Variants in ROBO1 observed in about 807,000 individuals in gnomAD.
ROBO1 encodes the protein roundabout homolog 1.
A neutral mutation model predicts 195.9 loss-of-function variants in ROBO1; 149 were observed. The observed-to-expected ratio is 0.76, with a 90% CI of 0.67 to 0.87. The LOEUF is 0.87. ROBO1 is among the 40% of genes least tolerant of loss of function. The probability of loss-of-function intolerance (pLI) is 0.00; values close to 1 mark genes in which losing one functional copy is unlikely to be tolerated. For synonymous variants in ROBO1, 816 were observed against 733.2 expected (o/e 1.11, Z -1.82); for missense variants, 1,933 against 2,068.3 (o/e 0.93, Z 1.27).
chr3:79,621,417 G>T (rs1196363568), intron 1 of ROBO1, among the ~76,000 whole-genome samples: 1 of 152,160 alleles, frequency 6.6e-6, no homozygotes, highest in Non-Finnish European at 1.5e-5. Context: ...CTGTTTGGTG[G>T]TCTCTTCACA....
intron 4 of ROBO1, among the ~76,000 whole-genome samples, chr3:78,789,420 C>T (rs976140433): frequency 2.6e-5 from 4 of 152,146 alleles, no homozygotes; most frequent in African/African-American, 9.7e-5. Flanking sequence ...AATCTCTCAG[C>T]ACTTTGGAAT....
intron 2 of ROBO1, among the ~76,000 whole-genome samples, chr3:79,458,665 C>T (rs1401702956): frequency 6.6e-6 from 1 of 150,906 alleles, no homozygotes; most frequent in African/African-American, 2.4e-5. Flanking sequence ...AGCATGAAAA[C>T]AAAGATAGAA....
chr3:79,651,357 T>G (rs556574131), intron 1 of ROBO1, among the ~76,000 whole-genome samples: 1 of 152,270 alleles, frequency 6.6e-6, no homozygotes, highest in African/African-American at 2.4e-5. Context: ...ATTTATGATA[T>G]TTTTCTGTGT....
rs115915640 is a variant in ROBO1, at chr3:79,427,956, A to T, written c.88+161868T>A. ...TGGACAAATGGGATCATATGAAGTT[A>T]AAAAGCTTCTGCACAGCAGAGGAAA... On this transcript the variant is annotated intron_variant, in intron 2 of 30. Coordinates refer to ENST00000464233, the MANE Select transcript of ROBO1 (RefSeq NM_002941.4). Among the ~76,000 whole-genome samples, 420 of 152,272 alleles carry T rather than the reference A, an allele frequency of 2.8e-3. 2 individuals are homozygous for T. The highest frequency in any genetic ancestry group is 9.6e-3 in the African/African-American group (400 of 41,572).
intron 23 of ROBO1, among the ~76,000 whole-genome samples, chr3:78,635,527 A>C (rs1705441287): frequency 6.6e-6 from 1 of 152,142 alleles, no homozygotes; most frequent in Non-Finnish European, 1.5e-5. Context: ...CTCACCTGCT[A>C]TTAAATTTAA....
intron 3 of ROBO1, among the ~76,000 whole-genome samples, chr3:79,061,107 G>A (rs777448634): frequency 1.3e-4 from 20 of 152,048 alleles, no homozygotes; most frequent in Non-Finnish European, 2.5e-4. Context: ...AAACCCCATC[G>A]TCTTGGCCCA....
At chr3:78,689,206 T>C (rs2081116340) in intron 8 of ROBO1, among the ~76,000 whole-genome samples, 1 of 152,182 alleles carries the variant, frequency 6.6e-6, no homozygotes, top group African/African-American at 2.4e-5. Flanking sequence ...AATGCTACCA[T>C]GCAAATTATA....
In ROBO1 at chr3:79,731,975, T is replaced by C. The variant is rs1419484916; in HGVS notation, c.-51+35777A>G. Among the ~76,000 whole-genome samples, 3 of 152,130 alleles carry C rather than the reference T, an allele frequency of 2.0e-5. No individual in the cohort carries two copies. The South Asian group carries it at 6.2e-4, about 32-fold the overall frequency. On this transcript the variant is annotated intron_variant, in intron 1 of 30. Transcript: ENST00000464233. Reference sequence around the variant, plus strand: ...GGATTCTGTCTGAGAATTGAGTTATTATGTGATTTCTTAGTTATGTGAACA... The same window carrying C: ...GGATTCTGTCTGAGAATTGAGTTATCATGTGATTTCTTAGTTATGTGAACA...
chr3:78,599,042 T>G, intron 30 of ROBO1, 115 bp from the exon 31 acceptor site: 2 of 550,528 alleles, frequency 3.6e-6, no homozygotes, highest in Non-Finnish European at 6.0e-6. Flanking sequence ...ATTTATTCAA[T>G]GGACTATGTT....
At chr3:79,667,682 T>C (rs1459472565) in intron 1 of ROBO1, among the ~76,000 whole-genome samples, 2 of 151,838 alleles carry the variant, frequency 1.3e-5, no homozygotes, top group Non-Finnish European at 2.9e-5. Flanking sequence ...GATGTGGATA[T>C]AAAGATATCA....
intron 3 of ROBO1, 98 bp from the exon 4 acceptor site, chr3:78,939,025 CA>C: frequency 9.4e-7 from 1 of 1,067,786 alleles, no homozygotes; most frequent in South Asian, 1.6e-5. Context: ...TTAAACACTG[CA>C]TAACATTGGC....
At chr3:79,279,515 G>T (rs73112717) in intron 2 of ROBO1, among the ~76,000 whole-genome samples, 2 of 152,008 alleles carry the variant, frequency 1.3e-5, no homozygotes, top group Non-Finnish European at 2.9e-5. Context: ...ATGCACTGTT[G>T]GTGGGTAAGT....
intron 2 of ROBO1, among the ~76,000 whole-genome samples, chr3:79,520,066 G>A (rs972829150): frequency 1.4e-4 from 21 of 151,800 alleles, no homozygotes; most frequent in African/African-American, 4.6e-4. Flanking sequence ...TACTTAGAAG[G>A]TAGGAGGATT....
intron 2 of ROBO1, among the ~76,000 whole-genome samples, chr3:79,461,235 G>A (rs1937625287): frequency 6.6e-6 from 1 of 152,044 alleles, no homozygotes; most frequent in Non-Finnish European, 1.5e-5. Flanking sequence ...AGAAGAAGGG[G>A]TCTATTTCTG....
At chr3:78,843,812 G>A (rs2033455076) in intron 4 of ROBO1, among the ~76,000 whole-genome samples, 6 of 151,920 alleles carry the variant, frequency 3.9e-5, no homozygotes, top group Admixed American at 3.9e-4. Flanking sequence ...ATCACGTGGT[G>A]GACCTATATA....
At chr3:78,937,271 T>C (rs2039864600) in intron 4 of ROBO1, among the ~76,000 whole-genome samples, 1 of 151,962 alleles carries the variant, frequency 6.6e-6, no homozygotes, top group South Asian at 2.1e-4. Flanking sequence ...TTTATAATTA[T>C]ATCAATGTAT....
chr3:79,631,989 G>A (rs989920133), intron 1 of ROBO1, among the ~76,000 whole-genome samples: 1 of 152,038 alleles, frequency 6.6e-6, no homozygotes, highest in Non-Finnish European at 1.5e-5. Context: ...ATATTGGTGA[G>A]ATCACAGAGA....
chr3:78,599,416 A>G (rs1192142193), intron 30 of ROBO1, among the ~76,000 whole-genome samples: 2 of 152,218 alleles, frequency 1.3e-5, no homozygotes, highest in Non-Finnish European at 2.9e-5. Context: ...AGGACTTTCA[A>G]TTAGACATAA....
At chr3:79,336,412 G>A (rs1446617716) in intron 2 of ROBO1, among the ~76,000 whole-genome samples, 2 of 152,232 alleles carry the variant, frequency 1.3e-5, no homozygotes, top group Admixed American at 1.3e-4. Flanking sequence ...GTGGCTGAAA[G>A]GCGCCAACGT....
Sources: allele counts gnomAD v4.1 joint callset (sites outside exome capture counted in the v4.1 genomes callset), GRCh38; gene constraint gnomAD v4.1.1; transcripts MANE v1.5; gene names NCBI Gene and HGNC (gene_info 2026-07-23, HGNC 2026-07-21).